Variants in ERCC6L2 observed in about 807,000 individuals in gnomAD.
ERCC6L2 encodes ERCC excision repair 6 like 2, also known as DNA excision repair protein ERCC-6-like 2.
A neutral mutation model predicts 132.0 loss-of-function variants in ERCC6L2; 77 were observed. The observed-to-expected ratio is 0.58, with a 90% CI of 0.49 to 0.71. The LOEUF is 0.71. Among genes scored for constraint, ERCC6L2 ranks in the 30% least tolerant of loss-of-function variants. ERCC6L2 has a pLI of 0.00. For missense variants in ERCC6L2, 1,542 were observed against 1,837.6 expected (o/e 0.84, Z 2.94); for synonymous variants, 583 against 632.4 (o/e 0.92, Z 1.17).
chr9:96,024,661 A>G lies in ERCC6L2; in HGVS notation c.*1504-14215A>G, dbSNP rs140069762. ...CCCTCCACTCACTCTCATGCTTTTAATGAATTCATTTATGGGTGATCAGGA... is the reference window on the plus strand; with the variant it reads ...CCCTCCACTCACTCTCATGCTTTTAGTGAATTCATTTATGGGTGATCAGGA... On this transcript the variant is annotated intron_variant and NMD_transcript_variant, in intron 19 of 20. Transcript: ENST00000670016. Among the ~76,000 whole-genome samples, 417 of 152,210 alleles carry G rather than the reference A, an allele frequency of 2.7e-3. 1 individual carries two copies. The highest frequency in any genetic ancestry group is 9.6e-3 in the African/African-American group (399 of 41,526).
At chr9:95,894,450 G>A (rs528862719) in intron 2 of ERCC6L2, among the ~76,000 whole-genome samples, 6 of 152,114 alleles carry the variant, frequency 3.9e-5, no homozygotes, top group Admixed American at 3.9e-4. Context: ...GTTCCTTACT[G>A]TCCAAACATT....
At chr9:95,923,438 G>A in intron 9 of ERCC6L2, 59 bp downstream of exon 9, 7 of 1,583,254 alleles carry the variant, frequency 4.4e-6, no homozygotes, top group South Asian at 1.1e-5. Flanking sequence ...TTATTCAGTG[G>A]TATGACAGAG....
intron 17 of ERCC6L2, among the ~76,000 whole-genome samples, chr9:95,996,562 C>T (rs553418208): frequency 9.2e-5 from 14 of 152,360 alleles, no homozygotes; most frequent in East Asian, 1.9e-4. Context: ...GACAGGCTGA[C>T]GCTCTTGTTA....
chr9:95,986,933 T>TG (rs1833119504), intron 17 of ERCC6L2, among the ~76,000 whole-genome samples: 1 of 152,140 alleles, frequency 6.6e-6, no homozygotes, highest in African/African-American at 2.4e-5. Flanking sequence ...CTCACAATCA[T>TG]GGTGGAAGGT....
At chr9:95,936,808 C>T (rs1830574937) in intron 11 of ERCC6L2, among the ~76,000 whole-genome samples, 1 of 152,176 alleles carries the variant, frequency 6.6e-6, no homozygotes, top group African/African-American at 2.4e-5. Context: ...CTGGAAACCA[C>T]TAATCTGTTC....
chr9:95,974,440 T>C, intron 16 of ERCC6L2, among the ~76,000 whole-genome samples: 1 of 152,214 alleles, frequency 6.6e-6, no homozygotes, highest in East Asian at 1.9e-4. Flanking sequence ...TCCATTGTCC[T>C]ATCTGTGGAT....
intron 19 of ERCC6L2, among the ~76,000 whole-genome samples, chr9:96,034,733 C>T (rs945269526): frequency 6.6e-6 from 1 of 150,520 alleles, no homozygotes; most frequent in South Asian, 2.1e-4. Context: ...CTGCAGCTGC[C>T]CAAGCTGCAG....
At chr9:95,876,166 T>A in intron 1 of ERCC6L2, 82 bp downstream of exon 1, 1 of 1,365,078 alleles carries the variant, frequency 7.3e-7, no homozygotes, top group Non-Finnish European at 1.0e-6. Flanking sequence ...GCCCTTCGGG[T>A]TGGGGTTTTG....
chr9:95,917,961 A>G (rs192724400), intron 6 of ERCC6L2, among the ~76,000 whole-genome samples: 248 of 152,278 alleles, frequency 1.6e-3, no homozygotes, highest in Non-Finnish European at 1.9e-3. Context: ...ACCAACTTCT[A>G]TATTCTCTTT....
chr9:96,008,076 C>G (rs754967633), intron 18 of ERCC6L2, among the ~76,000 whole-genome samples: 3 of 152,118 alleles, frequency 2.0e-5, no homozygotes, highest in African/African-American at 7.2e-5. Context: ...CAGAACAGAT[C>G]GGCAACAAGG....
At chr9:95,950,727 A>T (rs764087437) in intron 12 of ERCC6L2, among the ~76,000 whole-genome samples, 1 of 152,226 alleles carries the variant, frequency 6.6e-6, no homozygotes, top group Non-Finnish European at 1.5e-5. Context: ...TCAAGTCGAC[A>T]ACTGTTAGAA....
chr9:95,977,025 G>C (rs1421176191), intron 16 of ERCC6L2, among the ~76,000 whole-genome samples: 2 of 151,998 alleles, frequency 1.3e-5, no homozygotes, highest in East Asian at 1.9e-4. Flanking sequence ...TTAGATTTTA[G>C]GTTTGAGGAA....
intron 1 of ERCC6L2, among the ~76,000 whole-genome samples, chr9:95,879,455 A>G (rs1214854679): frequency 6.6e-6 from 1 of 152,224 alleles, no homozygotes. Flanking sequence ...GTAATGTGTT[A>G]AGAATTGCTG....
intron 14 of ERCC6L2, among the ~76,000 whole-genome samples, chr9:95,969,546 A>C (rs1210815623): frequency 6.6e-6 from 1 of 152,150 alleles, no homozygotes; most frequent in African/African-American, 2.4e-5. Context: ...GGCCTGAACA[A>C]CTTAAGACTG....
chr9:95,969,929 TGAG>T (rs1189970857), intron 14 of ERCC6L2, among the ~76,000 whole-genome samples: 1 of 152,188 alleles, frequency 6.6e-6, no homozygotes. Context: ...GATTTCCTTT[TGAG>T]GAGAATTTAA....
chr9:96,029,894 G>A (rs941937530), intron 19 of ERCC6L2, among the ~76,000 whole-genome samples: 2 of 152,186 alleles, frequency 1.3e-5, no homozygotes, highest in Non-Finnish European at 2.9e-5. Flanking sequence ...CAAACGACTC[G>A]CTGTTGGGCG....
chr9:95,925,787 A>G (rs1031509929), intron 9 of ERCC6L2, among the ~76,000 whole-genome samples: 1 of 152,160 alleles, frequency 6.6e-6, no homozygotes, highest in African/African-American at 2.4e-5. Context: ...TAAAATGTTA[A>G]TATCTTAAGA....
chr9:95,960,327 A>G (rs1258253026), intron 13 of ERCC6L2, among the ~76,000 whole-genome samples: 3 of 152,196 alleles, frequency 2.0e-5, no homozygotes, highest in African/African-American at 7.2e-5. Context: ...TGAAAAAGGC[A>G]CTATAGCGGG....
intron 19 of ERCC6L2, among the ~76,000 whole-genome samples, chr9:96,026,792 C>CCCACACA (rs1564311225): frequency 7.5e-6 from 1 of 134,024 alleles, no homozygotes; most frequent in Non-Finnish European, 1.6e-5. Context: ...CCACACACAC[C>CCCACACA]CCACACACAT....
Sources: allele counts gnomAD v4.1 joint callset (sites outside exome capture counted in the v4.1 genomes callset), GRCh38; gene constraint gnomAD v4.1.1; transcripts MANE v1.5; gene names NCBI Gene and HGNC (gene_info 2026-07-23, HGNC 2026-07-21).